TMEM108: variants seen among roughly 807,000 people sequenced by gnomAD.
TMEM108 encodes cancer/testis antigen 124.
A neutral mutation model predicts 35.1 loss-of-function variants in TMEM108; 12 were observed. The ratio of observed to expected loss-of-function variants is 0.34; its 90% confidence interval spans 0.22 to 0.55. The LOEUF (loss-of-function observed/expected upper bound fraction) is 0.55, where lower values mean the gene tolerates loss of function less well. Among genes scored for constraint, TMEM108 ranks in the 20% least tolerant of loss-of-function variants. The pLI is 0.89. For missense variants in TMEM108, 680 were observed against 753.3 expected (o/e 0.90, Z 1.14); for synonymous variants, 287 against 308.6 (o/e 0.93, Z 0.73).
intron 2 of TMEM108, among the ~76,000 whole-genome samples, chr3:133,169,079 A>G (rs918472085): frequency 4.6e-4 from 70 of 152,362 alleles, no homozygotes; most frequent in African/African-American, 1.5e-3. Flanking sequence ...CTGTGGCTTC[A>G]TTCTTGAAGT....
chr3:133,259,018 A>G (rs1291333495), intron 3 of TMEM108, among the ~76,000 whole-genome samples: 1 of 152,208 alleles, frequency 6.6e-6, no homozygotes, highest in African/African-American at 2.4e-5. Flanking sequence ...TCAGTCTCAG[A>G]CTGTCCTGAT....
intron 3 of TMEM108, among the ~76,000 whole-genome samples, chr3:133,235,242 G>A (rs1407974651): frequency 0.011 from 1,312 of 118,438 alleles, no homozygotes; most frequent in South Asian, 0.015. Flanking sequence ...CACAGAATTG[G>A]AAAAAACTAC....
chr3:133,050,102 A>G (rs896370362), intron 2 of TMEM108, among the ~76,000 whole-genome samples: 2 of 152,182 alleles, frequency 1.3e-5, no homozygotes, highest in Admixed American at 6.5e-5. Context: ...ATATAGACAC[A>G]CAATTTTTCA....
chr3:133,313,499 T>C (rs183625963), intron 3 of TMEM108, among the ~76,000 whole-genome samples: 222 of 152,362 alleles, frequency 1.5e-3, no homozygotes, highest in African/African-American at 5.1e-3. Flanking sequence ...TTTTTAATAA[T>C]TTAAAATGTG....
chr3:133,113,490 G>C (rs901553860), intron 2 of TMEM108, among the ~76,000 whole-genome samples: 1 of 152,104 alleles, frequency 6.6e-6, no homozygotes, highest in Non-Finnish European at 1.5e-5. Flanking sequence ...TGAGCCATAT[G>C]AGAATGACTC....
chr3:133,363,183 C>G (rs557447313), intron 3 of TMEM108, among the ~76,000 whole-genome samples: 10 of 152,258 alleles, frequency 6.6e-5, no homozygotes, highest in African/African-American at 7.2e-5. Context: ...TCCCTCTGTA[C>G]TCCCTTAGGG....
chr3:133,352,414 T>G (rs2072030745), intron 3 of TMEM108, among the ~76,000 whole-genome samples: 1 of 152,112 alleles, frequency 6.6e-6, no homozygotes, highest in Non-Finnish European at 1.5e-5. Flanking sequence ...GTTCTACAAT[T>G]TAACTCAATT....
In TMEM108 at chr3:133,346,792, A is replaced by G. The variant is rs1275572467; in HGVS notation, c.41-32960A>G. Among the ~76,000 whole-genome samples the G allele has an allele frequency of 2.6e-5, 4 of 152,070 alleles. No homozygotes were observed. Among genetic ancestry groups the G allele is most frequent in the African/African-American group, 7.2e-5 (3 of 41,448 alleles). On this transcript the variant is annotated intron_variant, in intron 3 of 5. Transcript: ENST00000321871. This position sits in a 1 kb window ranked among gnomAD's most constrained non-coding sequence, Gnocchi z 4.0. Reference sequence around the variant, plus strand: ...AGTTTTGCATTTTACATTTAGGTCTATGACCCATGTTGAGTTAATTTTTGT... The same window carrying G: ...AGTTTTGCATTTTACATTTAGGTCTGTGACCCATGTTGAGTTAATTTTTGT...
chr3:133,360,840 C>T (rs1224924393), intron 3 of TMEM108, among the ~76,000 whole-genome samples: 10 of 152,158 alleles, frequency 6.6e-5, no homozygotes, highest in Admixed American at 6.5e-4. Context: ...GTTTACAAAC[C>T]AACTGGACTT....
intron 2 of TMEM108, among the ~76,000 whole-genome samples, chr3:133,207,066 G>C (rs927081063): frequency 6.6e-6 from 1 of 152,216 alleles, no homozygotes; most frequent in Non-Finnish European, 1.5e-5. Flanking sequence ...GTGGGGCTCT[G>C]CCCAGTTTGA....
chr3:133,250,871 A>C (rs1188997598), intron 3 of TMEM108, among the ~76,000 whole-genome samples: 1 of 152,096 alleles, frequency 6.6e-6, no homozygotes, highest in Non-Finnish European at 1.5e-5. Context: ...CTCTAAATTT[A>C]CTTTGCCTCT....
chr3:133,370,452 A>G (rs2072626001), intron 3 of TMEM108, among the ~76,000 whole-genome samples: 1 of 152,182 alleles, frequency 6.6e-6, no homozygotes, highest in South Asian at 2.1e-4. Flanking sequence ...TGACATTATC[A>G]CTGTGGATGC....
At chr3:133,332,737 A>C (rs2071412488) in intron 3 of TMEM108, among the ~76,000 whole-genome samples, 1 of 152,232 alleles carries the variant, frequency 6.6e-6, no homozygotes, top group Non-Finnish European at 1.5e-5. Context: ...AGCTCGATTC[A>C]GTCTTCTTCC....
chr3:133,274,621 G>A (rs1421197726), intron 3 of TMEM108, among the ~76,000 whole-genome samples: 1 of 152,234 alleles, frequency 6.6e-6, no homozygotes, highest in Non-Finnish European at 1.5e-5. Context: ...TCTAAAGACA[G>A]TGGTGTGCTG....
At chr3:133,266,504 T>G (rs934518488) in intron 3 of TMEM108, among the ~76,000 whole-genome samples, 1 of 152,212 alleles carries the variant, frequency 6.6e-6, no homozygotes, top group Admixed American at 6.5e-5. Flanking sequence ...TGTTTCGTCA[T>G]AGTGTAGAAG....
chr3:133,135,465 T>G (rs183241335), intron 2 of TMEM108, among the ~76,000 whole-genome samples: 8 of 152,326 alleles, frequency 5.3e-5, no homozygotes, highest in Non-Finnish European at 1.0e-4. Context: ...CTCAGTGGGC[T>G]GGAGCTTAGG....
At chr3:133,381,182 C>G (rs772481163) in intron 4 of TMEM108, 21 bp downstream of exon 4, 1 of 1,566,148 alleles carries the variant, frequency 6.4e-7, no homozygotes, top group South Asian at 1.2e-5. Flanking sequence ...CCCTCTCCCA[C>G]CCATCCTCTC....
At chr3:133,049,410 T>G (rs1943377669) in intron 2 of TMEM108, among the ~76,000 whole-genome samples, 1 of 152,236 alleles carries the variant, frequency 6.6e-6, no homozygotes, top group South Asian at 2.1e-4. Context: ...ATGTCCATCA[T>G]CAGAGAAATC....
intron 2 of TMEM108, among the ~76,000 whole-genome samples, chr3:133,175,984 A>G (rs1945220280): frequency 1.3e-5 from 2 of 152,226 alleles, no homozygotes; most frequent in Non-Finnish European, 2.9e-5. Context: ...AAGATCTACC[A>G]AGCAAATGGA....
Sources: allele counts gnomAD v4.1 joint callset (sites outside exome capture counted in the v4.1 genomes callset), GRCh38; gene constraint gnomAD v4.1.1; non-coding constraint Gnocchi (gnomAD v3.1); transcripts MANE v1.5; gene names NCBI Gene and HGNC (gene_info 2026-07-23, HGNC 2026-07-21).